The following FAM107A variants were observed in gnomAD, a reference collection of about 807,000 sequenced individuals.
FAM107A encodes the protein actin-associated protein FAM107A.
A neutral mutation model predicts 13.7 loss-of-function variants in FAM107A; 19 were observed. The observed-to-expected ratio is 1.38, with a 90% CI of 0.97 to 2.03. The LOEUF (loss-of-function observed/expected upper bound fraction) is 2.03. FAM107A is among the 30% of genes most tolerant of loss of function. The pLI, the probability that FAM107A is intolerant of heterozygous loss-of-function variation, is 0.00. For missense variants in FAM107A, 203 were observed against 184.4 expected, an observed-to-expected ratio of 1.10 and a Z score of -0.58; for synonymous variants, 82 against 74.5, an observed-to-expected ratio of 1.10 and a Z score of -0.52.
intron 1 of FAM107A, among the ~76,000 whole-genome samples, chr3:58,619,598 T>C (rs1246287686): frequency 6.6e-6 from 1 of 152,218 alleles, no homozygotes; most frequent in Non-Finnish European, 1.5e-5. Context: ...CTCGGCCTCG[T>C]GGGTCCCCCT....
chr3:58,586,953 C>G lies in FAM107A; in HGVS notation c.-17G>C. ...CTGCGCCATGCCCCCGCGCCTCCTA[C>G]TGCAGAGCCAGCACTGCTGGCCCCG... On this transcript the variant is annotated 5_prime_UTR_variant, in exon 1 of 4. Coordinates refer to the FAM107A transcript ENST00000447756. 4 of 1,522,642 alleles carry G rather than the reference C, an allele frequency of 2.6e-6. No individual in the cohort carries two copies. In the South Asian group the frequency reaches 3.7e-5, roughly 14 times the overall value. The allele number at this position is 1,522,642 out of a possible 1,614,324, so 94.3% of individuals were successfully genotyped here.
chr3:58,584,999 A>C (rs531244963), intron 1 of FAM107A, among the ~76,000 whole-genome samples: 16 of 152,332 alleles, frequency 1.1e-4, no homozygotes, highest in Admixed American at 1.0e-3. Context: ...GACGCCAAGA[A>C]CCTGGACACC....
chr3:58,608,321 T>C (rs2065817173), intron 1 of FAM107A, among the ~76,000 whole-genome samples: 1 of 152,176 alleles, frequency 6.6e-6, no homozygotes, highest in Non-Finnish European at 1.5e-5. Flanking sequence ...TGAATTACCT[T>C]GATAAACAGA....
chr3:58,580,623 A>G (rs2108056770), upstream of FAM107A, among the ~76,000 whole-genome samples: 1 of 151,950 alleles, frequency 6.6e-6, no homozygotes, highest in South Asian at 2.1e-4. Flanking sequence ...TGTGTTGCCC[A>G]GGCTGGTCTT....
intron 1 of FAM107A, among the ~76,000 whole-genome samples, chr3:58,575,432 G>T (rs190063846): frequency 3.9e-5 from 6 of 152,260 alleles, no homozygotes; most frequent in Admixed American, 1.3e-4. Context: ...ACTAGAATTT[G>T]ATCTGGATCT....
chr3:58,580,887 ACT>A (rs2065530517), upstream of FAM107A, among the ~76,000 whole-genome samples: 1 of 152,198 alleles, frequency 6.6e-6, no homozygotes, highest in Admixed American at 6.5e-5. Context: ...TCAGAAAAAG[ACT>A]CTAAGAATTA....
intron 1 of FAM107A, among the ~76,000 whole-genome samples, chr3:58,625,915 G>A (rs2066010218): frequency 6.6e-6 from 1 of 152,252 alleles, no homozygotes; most frequent in Non-Finnish European, 1.5e-5. Flanking sequence ...CTGGTTGTCT[G>A]AGGATCAGAG....
At chr3:58,608,593 C>A (rs1485323697) in intron 1 of FAM107A, among the ~76,000 whole-genome samples, 1 of 152,232 alleles carries the variant, frequency 6.6e-6, no homozygotes, top group South Asian at 2.1e-4. Context: ...AGTCCCACAG[C>A]TGGCAAGTGG....
At chr3:58,627,245 T>G (rs954283223) in intron 1 of FAM107A, 5 of 527,444 alleles carry the variant, frequency 9.5e-6, no homozygotes, top group Admixed American at 3.2e-5. Flanking sequence ...TATGCCCTTC[T>G]TGGGTCCCTG....
chr3:58,618,149 G>A (rs1047166348), intron 1 of FAM107A, among the ~76,000 whole-genome samples: 71 of 152,322 alleles, frequency 4.7e-4, no homozygotes, highest in African/African-American at 1.7e-3. Flanking sequence ...ACTGAGTGAG[G>A]CTCAAGGGGG....
At chr3:58,612,765 C>T (rs1465076730) in intron 1 of FAM107A, among the ~76,000 whole-genome samples, 1 of 152,088 alleles carries the variant, frequency 6.6e-6, no homozygotes, top group Non-Finnish European at 1.5e-5. Context: ...GAGCTAAGTT[C>T]ACTTTTTAAA....
chr3:58,596,257 G>A (rs143297159), intron 1 of FAM107A, among the ~76,000 whole-genome samples: 19 of 152,300 alleles, frequency 1.2e-4, no homozygotes, highest in Non-Finnish European at 2.1e-4. Context: ...TTCTCCTAGA[G>A]GCTGAGACCT....
intron 1 of FAM107A, among the ~76,000 whole-genome samples, chr3:58,574,631 C>A (rs1156619616): frequency 6.6e-6 from 1 of 152,180 alleles, no homozygotes; most frequent in African/African-American, 2.4e-5. Flanking sequence ...TGGAGGCCAC[C>A]AGTAGGCGAC....
At chr3:58,572,873 G>C (rs2063697856) in intron 1 of FAM107A, 1 of 152,198 alleles carries the variant, frequency 6.6e-6, no homozygotes, top group Non-Finnish European at 1.5e-5. Context: ...CTTGGAAGAG[G>C]GGCCCTGTTT....
At chr3:58,589,175 G>A (rs188106900), upstream of FAM107A, 52 of 1,430,978 alleles carry the variant, frequency 3.6e-5, no homozygotes, top group South Asian at 7.3e-5. Context: ...GACTCTGGCC[G>A]CACCCAGGAA....
intron 1 of FAM107A, among the ~76,000 whole-genome samples, chr3:58,624,880 G>C (rs1407706302): frequency 6.6e-6 from 1 of 152,172 alleles, no homozygotes; most frequent in African/African-American, 2.4e-5. Context: ...AACTGACAGG[G>C]ACGGCCTCAA....
intron 1 of FAM107A, among the ~76,000 whole-genome samples, chr3:58,607,442 GCT>G (rs2065805439): frequency 6.6e-6 from 1 of 152,158 alleles, no homozygotes; most frequent in Non-Finnish European, 1.5e-5. Context: ...TCACCCCTGT[GCT>G]GACCCTTTGG....
chr3:58,583,095 G>A (rs935967070), intron 1 of FAM107A, among the ~76,000 whole-genome samples: 4 of 152,230 alleles, frequency 2.6e-5, no homozygotes, highest in South Asian at 2.1e-4. Flanking sequence ...CACTGTGCCC[G>A]GCCGAGCATT....
intron 1 of FAM107A, among the ~76,000 whole-genome samples, chr3:58,615,898 CAAAAA>C (rs11311985): frequency 9.4e-5 from 7 of 74,716 alleles, no homozygotes; most frequent in Admixed American, 1.8e-4. Context: ...GACCCTGTCT[CAAAAA>C]AAAAAAAAAA....
Sources: allele counts gnomAD v4.1 joint callset (sites outside exome capture counted in the v4.1 genomes callset), GRCh38; gene constraint gnomAD v4.1.1; transcripts MANE v1.5; gene names NCBI Gene and HGNC (gene_info 2026-07-23, HGNC 2026-07-21).